DAB1: variants seen among roughly 807,000 people sequenced by gnomAD.
DAB1 encodes DAB adaptor protein 1.
DAB1 carries 15 observed loss-of-function variants against 64.6 expected under a neutral mutation model. The ratio of observed to expected loss-of-function variants is 0.23; its 90% CI spans 0.16 to 0.36. DAB1 has a LOEUF of 0.36. Ranked by LOEUF, DAB1 falls within the 10% of genes least tolerant of loss-of-function variation. The pLI, the probability that DAB1 is intolerant of heterozygous loss-of-function variation, is 1.00. For synonymous variants in DAB1, 235 were observed against 251.9 expected, an observed-to-expected ratio of 0.93 and a Z score of 0.64; for missense variants, 596 against 706.7, an observed-to-expected ratio of 0.84 and a Z score of 1.78.
At chr1:57,780,023 C>G (rs896564840) in intron 6 of DAB1, among the ~76,000 whole-genome samples, 1 of 152,104 alleles carries the variant, frequency 6.6e-6, no homozygotes, top group Non-Finnish European at 1.5e-5. Context: ...AAGAAAAAGT[C>G]GTACTTAATT....
intron 7 of DAB1, among the ~76,000 whole-genome samples, chr1:57,583,643 T>G (rs1645342754): frequency 6.6e-6 from 1 of 152,134 alleles, no homozygotes; most frequent in South Asian, 2.1e-4. Flanking sequence ...CAGTAGCCCA[T>G]GGGCCAGATT....
At chr1:57,159,206 A>G (rs1051230347) in intron 2 of DAB1, among the ~76,000 whole-genome samples, 37 of 151,646 alleles carry the variant, frequency 2.4e-4, no homozygotes, top group Admixed American at 2.0e-3. Flanking sequence ...CTTTTATTGT[A>G]TTTGAAAAAT....
intron 5 of DAB1, among the ~76,000 whole-genome samples, chr1:58,076,934 G>C (rs1001350444): frequency 1.3e-5 from 2 of 152,072 alleles, no homozygotes; most frequent in Non-Finnish European, 2.9e-5. Context: ...TCTTCATCTA[G>C]GTAACTGCAC....
chr1:57,427,663 T>G (rs1479786814), upstream of DAB1, among the ~76,000 whole-genome samples: 2 of 152,254 alleles, frequency 1.3e-5, no homozygotes, highest in Non-Finnish European at 2.9e-5. Flanking sequence ...TAAAATTTTA[T>G]GCTGTAAACT....
chr1:58,132,773 A>G (rs893750441), intron 5 of DAB1, among the ~76,000 whole-genome samples: 2 of 151,914 alleles, frequency 1.3e-5, no homozygotes, highest in Non-Finnish European at 2.9e-5. Context: ...TCAGACGTAG[A>G]CTCCTGGGTA....
intron 5 of DAB1, among the ~76,000 whole-genome samples, chr1:57,946,733 C>T (rs372148611): frequency 1.8e-4 from 28 of 152,296 alleles, no homozygotes; most frequent in Admixed American, 7.2e-4. Context: ...CCTTTCAGAC[C>T]TAGGAGGTCT....
At chr1:57,650,469 A>G (rs1646243482) in intron 6 of DAB1, among the ~76,000 whole-genome samples, 1 of 151,814 alleles carries the variant, frequency 6.6e-6, no homozygotes, top group Non-Finnish European at 1.5e-5. Flanking sequence ...AGGAATAAAA[A>G]AAATTGGTAT....
At chr1:58,285,651 G>A (rs1661663079) in intron 4 of DAB1, among the ~76,000 whole-genome samples, 1 of 152,134 alleles carries the variant, frequency 6.6e-6, no homozygotes, top group South Asian at 2.1e-4. Context: ...ACAAACCACT[G>A]CTCAAGGAAA....
chr1:57,477,022 C>T (rs1643946799), intron 7 of DAB1, among the ~76,000 whole-genome samples: 1 of 152,260 alleles, frequency 6.6e-6, no homozygotes, highest in South Asian at 2.1e-4. Context: ...ATAAAAATGG[C>T]ATATAATATC....
chr1:58,329,033 A>C (rs1176869401), intron 4 of DAB1, among the ~76,000 whole-genome samples: 1 of 152,322 alleles, frequency 6.6e-6, no homozygotes, highest in Non-Finnish European at 1.5e-5. Context: ...TTGGTTGTTC[A>C]TGCTATTGTT....
At chr1:57,909,302 T>C (rs1368731615) in intron 5 of DAB1, among the ~76,000 whole-genome samples, 2 of 152,234 alleles carry the variant, frequency 1.3e-5, no homozygotes, top group Non-Finnish European at 2.9e-5. Flanking sequence ...TCTCCTAGCA[T>C]GCCCATTCCC....
At chr1:58,120,940 C>G (rs1488636668) in intron 5 of DAB1, among the ~76,000 whole-genome samples, 1 of 152,128 alleles carries the variant, frequency 6.6e-6, no homozygotes, top group Non-Finnish European at 1.5e-5. Context: ...ATGAAAAGGA[C>G]AGCATGAAAA....
At chr1:57,343,435 C>T (rs889483242) in intron 1 of DAB1, among the ~76,000 whole-genome samples, 1 of 152,240 alleles carries the variant, frequency 6.6e-6, no homozygotes, top group African/African-American at 2.4e-5. Flanking sequence ...CCTGCCAGTC[C>T]CGCACCGTGC....
chr1:58,300,946 T>C (rs987240467), intron 4 of DAB1, among the ~76,000 whole-genome samples: 2 of 152,096 alleles, frequency 1.3e-5, no homozygotes, highest in Non-Finnish European at 2.9e-5. Context: ...CTCATTGTCT[T>C]CTCAGAGAAG....
intron 5 of DAB1, among the ~76,000 whole-genome samples, chr1:57,940,886 G>A (rs1645094502): frequency 1.3e-5 from 2 of 152,114 alleles, no homozygotes; most frequent in South Asian, 4.1e-4. Context: ...ATATGTTTAG[G>A]CACTGTGGAA....
chr1:57,876,204 C>T (rs1644043088), intron 1 of DAB1: 1 of 152,252 alleles, frequency 6.6e-6, no homozygotes, highest in South Asian at 2.1e-4. Flanking sequence ...CTGTCCTCTT[C>T]AACTGTGCAG....
intron 4 of DAB1, among the ~76,000 whole-genome samples, chr1:58,256,237 C>G (rs77222875): frequency 0.069 from 10,567 of 152,250 alleles, 437 homozygotes; most frequent in African/African-American, 0.12. Flanking sequence ...ACGGTTGCCA[C>G]GGTGATTAGA....
intron 6 of DAB1, among the ~76,000 whole-genome samples, chr1:57,721,061 T>G (rs1215884063): frequency 6.6e-6 from 1 of 152,168 alleles, no homozygotes; most frequent in Non-Finnish European, 1.5e-5. Flanking sequence ...CTAGTCAACT[T>G]TTTTCCTACC....
intron 1 of DAB1, among the ~76,000 whole-genome samples, chr1:57,830,743 C>T (rs1289089615): frequency 6.6e-6 from 1 of 152,090 alleles, no homozygotes; most frequent in African/African-American, 2.4e-5. Context: ...ATTTACTATA[C>T]CTAGACTGTT....
Sources: allele counts gnomAD v4.1 joint callset (sites outside exome capture counted in the v4.1 genomes callset), GRCh38; gene constraint gnomAD v4.1.1; transcripts MANE v1.5; gene names NCBI Gene and HGNC (gene_info 2026-07-23, HGNC 2026-07-21).